Variants in GPM6A observed in about 807,000 individuals in gnomAD.
GPM6A encodes the protein neuronal membrane glycoprotein M6-a.
Under a neutral mutation model 32.1 loss-of-function variants are expected in GPM6A, and 7 were observed. The observed-to-expected ratio is 0.22, with a 90% CI of 0.12 to 0.41. The LOEUF is 0.41. GPM6A is among the 10% of genes least tolerant of loss of function. GPM6A has a pLI of 1.00. For synonymous variants in GPM6A, 130 were observed against 123.4 expected, an observed-to-expected ratio of 1.05 and a Z score of -0.35; for missense variants, 235 against 347.2, an observed-to-expected ratio of 0.68 and a Z score of 2.57.
intron 1 of GPM6A, among the ~76,000 whole-genome samples, chr4:175,886,756 CAA>C (rs60422066): frequency 5.0e-5 from 7 of 140,130 alleles, no homozygotes; most frequent in African/African-American, 1.3e-4. Context: ...CACACACACA[CAA>C]ACACACACCA....
chr4:175,655,496 T>C (rs894129030), intron 3 of GPM6A, among the ~76,000 whole-genome samples: 1 of 152,096 alleles, frequency 6.6e-6, no homozygotes, highest in African/African-American at 2.4e-5. Context: ...TTTTGAAGCA[T>C]ATCATGGATA....
chr4:175,669,703 C>T (rs1691439489), intron 3 of GPM6A, among the ~76,000 whole-genome samples: 1 of 152,120 alleles, frequency 6.6e-6, no homozygotes, highest in Non-Finnish European at 1.5e-5. Context: ...GAATTGTGTC[C>T]TCACAAAATT....
At chr4:175,673,559 C>T (rs897258019) in intron 3 of GPM6A, 121 bp downstream of exon 3, 18 of 605,104 alleles carry the variant, frequency 3.0e-5, no homozygotes, top group African/African-American at 2.9e-4. Context: ...AAGATAGCAT[C>T]ACAGAAGGAA....
chr4:175,725,965 A>G (rs1488214532), intron 1 of GPM6A, among the ~76,000 whole-genome samples: 1 of 151,104 alleles, frequency 6.6e-6, no homozygotes, highest in Non-Finnish European at 1.5e-5. Flanking sequence ...CATGTATCAT[A>G]CAATGTTTTC....
chr4:175,970,058 T>C (rs1740452845), intron 1 of GPM6A, among the ~76,000 whole-genome samples: 1 of 152,210 alleles, frequency 6.6e-6, no homozygotes, highest in South Asian at 2.1e-4. Flanking sequence ...CGCCGAAATA[T>C]TCCACTGTGT....
At chr4:175,830,475 T>C (rs1242956189) in intron 1 of GPM6A, among the ~76,000 whole-genome samples, 1 of 152,206 alleles carries the variant, frequency 6.6e-6, no homozygotes. Flanking sequence ...ACACTGTTCT[T>C]CACACATATA....
intron 1 of GPM6A, among the ~76,000 whole-genome samples, chr4:175,916,166 A>G (rs1738487489): frequency 6.6e-6 from 1 of 152,236 alleles, no homozygotes; most frequent in Non-Finnish European, 1.5e-5. Context: ...GGTTCCCGAT[A>G]GAAACCACAT....
chr4:175,968,165 TG>T (rs1740387288), intron 1 of GPM6A, among the ~76,000 whole-genome samples: 1 of 139,506 alleles, frequency 7.2e-6, no homozygotes, highest in Non-Finnish European at 1.6e-5. Flanking sequence ...AGCAACTCAA[TG>T]AAAAAAAAAA....
intron 6 of GPM6A, 105 bp from the exon 7 acceptor site, chr4:175,635,162 G>A: frequency 1.2e-6 from 1 of 804,774 alleles, no homozygotes; most frequent in Admixed American, 2.8e-5. Context: ...TATAGGAAAT[G>A]TTCACATATA....
chr4:175,850,113 C>T (rs1349440321), intron 1 of GPM6A, among the ~76,000 whole-genome samples: 1 of 152,114 alleles, frequency 6.6e-6, no homozygotes, highest in African/African-American at 2.4e-5. Flanking sequence ...GACATGGAAG[C>T]TTTACTCAGC....
intron 1 of GPM6A, among the ~76,000 whole-genome samples, chr4:175,949,579 T>A (rs1739733657): frequency 6.6e-6 from 1 of 152,218 alleles, no homozygotes; most frequent in African/African-American, 2.4e-5. Flanking sequence ...TCTAAGAAAC[T>A]AAATAATCAA....
At chr4:175,692,683 T>C (rs1184367644) in intron 2 of GPM6A, among the ~76,000 whole-genome samples, 1 of 152,150 alleles carries the variant, frequency 6.6e-6, no homozygotes, top group East Asian at 1.9e-4. Flanking sequence ...TTATAGTATG[T>C]CAAATACATA....
intron 1 of GPM6A, among the ~76,000 whole-genome samples, chr4:175,805,042 C>CA (rs1249061837): frequency 1.3e-5 from 2 of 150,268 alleles, no homozygotes; most frequent in African/African-American, 4.9e-5. Flanking sequence ...GACTCCATCT[C>CA]AAAAAAACAA....
chr4:175,689,446 GTT>G (rs34200402), intron 2 of GPM6A, among the ~76,000 whole-genome samples: 41 of 147,554 alleles, frequency 2.8e-4, no homozygotes, highest in Non-Finnish European at 4.8e-4. Context: ...TATTTATAGC[GTT>G]TTTTTTTTTC....
chr4:175,886,329 G>A (rs1433682951), intron 1 of GPM6A, among the ~76,000 whole-genome samples: 1 of 152,192 alleles, frequency 6.6e-6, no homozygotes, highest in Non-Finnish European at 1.5e-5. Flanking sequence ...AAGCAGCAAT[G>A]TAATCCAACA....
At chr4:175,857,584 C>T (rs1028215412) in intron 1 of GPM6A, among the ~76,000 whole-genome samples, 3 of 151,982 alleles carry the variant, frequency 2.0e-5, no homozygotes, top group Non-Finnish European at 4.4e-5. Context: ...CTAACCATAT[C>T]AGTAATAACA....
chr4:175,864,416 C>T (rs1736667648), intron 1 of GPM6A, among the ~76,000 whole-genome samples: 3 of 151,530 alleles, frequency 2.0e-5, no homozygotes, highest in African/African-American at 7.3e-5. Context: ...AGTCTGCCCA[C>T]ATTTGCCTCC....
intron 1 of GPM6A, among the ~76,000 whole-genome samples, chr4:175,780,222 A>G (rs2111251451): frequency 6.6e-6 from 1 of 151,880 alleles, no homozygotes; most frequent in East Asian, 1.9e-4. Flanking sequence ...TGATTTTTGT[A>G]TTTTTAGTAC....
In GPM6A at chr4:175,957,751, GTAAA is replaced by G. The variant is rs774719397; in HGVS notation, c.-23+44554_-23+44557del. Among the ~76,000 whole-genome samples, 256 of 152,158 alleles carry G rather than the reference GTAAA, an allele frequency of 1.7e-3. No individual in the cohort carries two copies. In the Middle Eastern group the frequency reaches 0.017, roughly 10 times the overall value. ...AATAGTAGGTTCTCATAAAAAATAAGTAAATAAAGACAAAAAATAAAGTTATAAA... is the reference window on the plus strand; with the variant it reads ...AATAGTAGGTTCTCATAAAAAATAAGTAAAGACAAAAAATAAAGTTATAAA... On this transcript the variant is annotated intron_variant, in intron 1 of 7. Coordinates refer to the GPM6A transcript ENST00000280187.
Sources: allele counts gnomAD v4.1 joint callset (sites outside exome capture counted in the v4.1 genomes callset), GRCh38; gene constraint gnomAD v4.1.1; transcripts MANE v1.5; gene names NCBI Gene and HGNC (gene_info 2026-07-23, HGNC 2026-07-21).